TEC: variants seen among roughly 807,000 people sequenced by gnomAD.
The protein encoded by TEC is tyrosine-protein kinase Tec.
TEC carries 72 observed loss-of-function variants against 93.0 expected under a neutral mutation model. The ratio of observed to expected loss-of-function variants is 0.77; its 90% CI spans 0.64 to 0.94. The LOEUF is 0.94. TEC is among the 40% of genes least tolerant of loss of function. The pLI, the probability that TEC is intolerant of heterozygous loss-of-function variation, is 0.00. For missense variants in TEC, 630 were observed against 757.9 expected (o/e 0.83, Z 1.98); for synonymous variants, 249 against 247.7 (o/e 1.01, Z -0.05).
intron 1 of TEC, among the ~76,000 whole-genome samples, chr4:48,250,738 T>A (rs749790539): frequency 1.3e-5 from 2 of 152,050 alleles, no homozygotes; most frequent in Non-Finnish European, 2.9e-5. Flanking sequence ...CTCAAACATA[T>A]CAGAGAACCC....
chr4:48,140,279 T>A (rs1412362351), intron 15 of TEC, among the ~76,000 whole-genome samples: 2 of 152,224 alleles, frequency 1.3e-5, no homozygotes, highest in Admixed American at 1.3e-4. Context: ...CTTTTTCCGT[T>A]CCTTGAGCAG....
chr4:48,150,977 C>T (rs1206060295), intron 9 of TEC, 35 bp from the exon 10 acceptor site: 3 of 1,339,896 alleles, frequency 2.2e-6, no homozygotes, highest in Non-Finnish European at 3.1e-6. Context: ...TTTTTTTACT[C>T]TAATTACTAA....
At chr4:48,149,823 C>A in intron 10 of TEC, 133 bp from the exon 11 acceptor site, 1 of 798,096 alleles carries the variant, frequency 1.3e-6, no homozygotes, top group South Asian at 3.1e-5. Context: ...TTTTACTTTC[C>A]CCTTGTTCTT....
chr4:48,231,163 C>T (rs1383376680), intron 1 of TEC, among the ~76,000 whole-genome samples: 2 of 152,090 alleles, frequency 1.3e-5, no homozygotes, highest in African/African-American at 4.8e-5. Flanking sequence ...GAATTGAGAG[C>T]CACTATCTTA....
chr4:48,150,439 G>A (rs2109516182), intron 10 of TEC, among the ~76,000 whole-genome samples: 1 of 152,198 alleles, frequency 6.6e-6, no homozygotes, highest in South Asian at 2.1e-4. Flanking sequence ...TGCCTGGGCT[G>A]TGTATGTACC....
chr4:48,187,340 C>T (rs1721920839), intron 2 of TEC, among the ~76,000 whole-genome samples: 1 of 151,652 alleles, frequency 6.6e-6, no homozygotes, highest in South Asian at 2.1e-4. Flanking sequence ...GACCCTTGTT[C>T]ACATGTTTAT....
rs559549733 is a variant in TEC, at chr4:48,137,337, G to T, written c.*79C>A. The T allele has an allele frequency of 4.4e-6, 5 of 1,127,992 alleles. No individual in the cohort carries two copies. The highest frequency in any genetic ancestry group is 4.0e-5 in the South Asian group (3 of 75,520). The allele number at this position is 1,127,992 out of a possible 1,614,324, so 69.9% of individuals were successfully genotyped here. A position where few individuals can be genotyped will look rare whatever the true frequency, so the allele number is the denominator to read the frequency against. On this transcript the variant is annotated 3_prime_UTR_variant, in exon 18 of 18. Transcript: ENST00000381501. ...TAAGTAAAATGATCTACATGTCCAAGTGCTCAATAAATTAAAAGCCACAAA... is the reference window on the plus strand; with the variant it reads ...TAAGTAAAATGATCTACATGTCCAATTGCTCAATAAATTAAAAGCCACAAA...
At chr4:48,141,664 T>TC (rs904890612) in intron 14 of TEC, 2 of 359,856 alleles carry the variant, frequency 5.6e-6, no homozygotes, top group Admixed American at 1.2e-4. Flanking sequence ...TTACCAATTG[T>TC]CTTTTTTTTT....
At chr4:48,237,367 A>T (rs1362878442) in intron 1 of TEC, among the ~76,000 whole-genome samples, 1 of 151,710 alleles carries the variant, frequency 6.6e-6, no homozygotes, top group Non-Finnish European at 1.5e-5. Flanking sequence ...TTAAAAAAAT[A>T]GCTGGTGACT....
chr4:48,152,574 T>C (rs1270930812), intron 9 of TEC, among the ~76,000 whole-genome samples: 2 of 152,206 alleles, frequency 1.3e-5, no homozygotes, highest in African/African-American at 2.4e-5. Flanking sequence ...TCCTATTACA[T>C]AGGTACTATT....
Position 48,147,264 on chromosome 4 carries a change from C to T in TEC, c.1007-865G>A, listed in dbSNP as rs191369882. On this transcript the variant is annotated intron_variant, in intron 11 of 17. Transcript: ENST00000381501. The stretch of plus-strand genomic sequence containing the variant: ...ACCATATGACGCAGCATACCCATAA[C>T]TAGGTAAATACCCAAAAGAAATGAA... Among the ~76,000 whole-genome samples, 20 of 152,282 alleles carry T rather than the reference C, an allele frequency of 1.3e-4. 1 individual carries two copies. The South Asian group carries it at 3.9e-3, about 30-fold the overall frequency.
chr4:48,232,465 G>C (rs911233879), intron 1 of TEC, among the ~76,000 whole-genome samples: 6 of 152,192 alleles, frequency 3.9e-5, no homozygotes, highest in Non-Finnish European at 8.8e-5. Context: ...CACAAGCCAA[G>C]ACTAGAAAAA....
chr4:48,181,112 C>CAG (rs147346809), intron 2 of TEC, among the ~76,000 whole-genome samples: 2,585 of 152,154 alleles, frequency 0.017, 82 homozygotes, highest in African/African-American at 0.059. Flanking sequence ...AGAAGGAACA[C>CAG]AGAAGGACAA....
chr4:48,266,122 A>G (rs530057578), intron 1 of TEC, among the ~76,000 whole-genome samples: 129 of 152,360 alleles, frequency 8.5e-4, no homozygotes, highest in African/African-American at 3.0e-3. Context: ...CACTCAGTCA[A>G]ACTATCAATT....
Position 48,145,074 on chromosome 4 carries a change from G to T in TEC, c.1470+5C>A, listed in dbSNP as rs182241990. On this transcript the variant is annotated splice_donor_5th_base_variant and intron_variant, in intron 14 of 17. Transcript: ENST00000381501. ...ATGAGTGGGAATATGGGTGGCTAGGGTTACCAGATCTCTGTGGATGAAGCT... is the reference window on the plus strand; with the variant it reads ...ATGAGTGGGAATATGGGTGGCTAGGTTTACCAGATCTCTGTGGATGAAGCT... The T allele has an allele frequency of 6.2e-7, 1 of 1,613,688 alleles. No homozygotes were observed. Among genetic ancestry groups the T allele is most frequent in the Non-Finnish European group, 8.5e-7 (1 of 1,179,648 alleles).
chr4:48,247,129 CAT>C (rs142640354), intron 1 of TEC, among the ~76,000 whole-genome samples: 21,521 of 151,072 alleles, frequency 0.14, 2,065 homozygotes, highest in Non-Finnish European at 0.21. Context: ...GGTCAGCAAA[CAT>C]ATAAAAAAAT....
In TEC at chr4:48,269,824, C is replaced by T. The variant is rs1724748193; in HGVS notation, c.-118G>A. On this transcript the variant is annotated 5_prime_UTR_variant, in exon 1 of 18. Transcript: ENST00000381501. ...CAGTCTGCGCCGCGGAGTCCGGAGC[C>T]TAGCGCCCCAGAGTCCAGAGCAAAG... 6.6e-6 allele frequency: 1 copy of T among 152,208 alleles called. No individual in the cohort carries two copies. The highest frequency in any genetic ancestry group is 2.1e-4 in the South Asian group (1 of 4,824). The allele number at this position is 152,208 out of a possible 1,614,324, so 9.4% of individuals were successfully genotyped here. A position where few individuals can be genotyped will look rare whatever the true frequency, so the allele number is the denominator to read the frequency against.
intron 1 of TEC, among the ~76,000 whole-genome samples, chr4:48,248,770 C>T (rs1577670424): frequency 6.6e-6 from 1 of 152,088 alleles, no homozygotes; most frequent in South Asian, 2.1e-4. Context: ...GCCTCCAGTA[C>T]ACACCCCTTC....
At chr4:48,245,694 A>G (rs2664030) in intron 1 of TEC, among the ~76,000 whole-genome samples, 35,821 of 152,186 alleles carry the variant, frequency 0.24, 4,704 homozygotes, top group African/African-American at 0.36. Context: ...AAGCTAAGAT[A>G]ATATAGCCAA....
Sources: gnomAD v4.1 joint callset for allele counts (sites outside exome capture counted in the v4.1 genomes callset) on GRCh38, gnomAD v4.1.1 for gene constraint, MANE v1.5 for transcripts, NCBI Gene and HGNC (gene_info 2026-07-23, HGNC 2026-07-21) for gene names.